ALK: variants seen among roughly 807,000 people sequenced by gnomAD.
ALK encodes the protein ALK tyrosine kinase receptor.
ALK carries 74 observed loss-of-function variants against 163.1 expected under a neutral mutation model. That is an observed-to-expected ratio of 0.45 (90% CI 0.38 to 0.55). The LOEUF is 0.55. Ranked by LOEUF, ALK falls within the 20% of genes least tolerant of loss-of-function variation. ALK has a pLI of 0.00. For missense variants in ALK, 2,063 were observed against 2,105.3 expected (o/e 0.98, Z 0.39); for synonymous variants, 960 against 843.2 (o/e 1.14, Z -2.40).
At chr2:29,377,474 C>CAAAAA (rs372035289) in intron 5 of ALK, among the ~76,000 whole-genome samples, 1 of 119,036 alleles carries the variant, frequency 8.4e-6, no homozygotes, top group African/African-American at 3.2e-5. Flanking sequence ...GACTACATCT[C>CAAAAA]AAAAAAAAAA....
At chr2:29,266,878 G>A (rs1489877287) in intron 11 of ALK, among the ~76,000 whole-genome samples, 4 of 152,196 alleles carry the variant, frequency 2.6e-5, no homozygotes, top group South Asian at 4.2e-4. Flanking sequence ...GTGAATGTTC[G>A]TCTCCAGCAT....
intron 6 of ALK, among the ~76,000 whole-genome samples, chr2:29,321,971 G>GT (rs2148252171): frequency 6.6e-6 from 1 of 152,362 alleles, no homozygotes; most frequent in East Asian, 1.9e-4. Flanking sequence ...AAGGATAAGA[G>GT]GGTGAGGGAG....
chr2:29,521,200 G>C (rs1672802912), intron 4 of ALK, among the ~76,000 whole-genome samples: 1 of 152,278 alleles, frequency 6.6e-6, no homozygotes, highest in Non-Finnish European at 1.5e-5. Context: ...GGTGGAGCAA[G>C]GTCCTGGATC....
intron 2 of ALK, among the ~76,000 whole-genome samples, chr2:29,699,063 T>TC (rs1678653324): frequency 6.6e-6 from 1 of 152,194 alleles, no homozygotes; most frequent in African/African-American, 2.4e-5. Flanking sequence ...CTAGTGTGCT[T>TC]CTTGAATCTC....
intron 1 of ALK, among the ~76,000 whole-genome samples, chr2:29,743,177 T>C (rs1302767525): frequency 6.6e-6 from 1 of 152,220 alleles, no homozygotes; most frequent in African/African-American, 2.4e-5. Context: ...CAATCCATTT[T>C]TCCATATTGA....
intron 4 of ALK, among the ~76,000 whole-genome samples, chr2:29,431,940 G>A (rs139905342): frequency 1.1e-4 from 16 of 151,898 alleles, no homozygotes; most frequent in East Asian, 9.7e-4. Flanking sequence ...GTCCCGTCCC[G>A]TCCAGTCCCG....
intron 3 of ALK, among the ~76,000 whole-genome samples, chr2:29,562,217 T>C (rs1219955522): frequency 6.6e-6 from 1 of 152,218 alleles, no homozygotes; most frequent in Non-Finnish European, 1.5e-5. Flanking sequence ...GTTAGACATG[T>C]CTTTCCCAGT....
At chr2:29,321,074 C>T (rs996981637) in intron 6 of ALK, among the ~76,000 whole-genome samples, 192 bp from the exon 7 acceptor site, 1 of 152,178 alleles carries the variant, frequency 6.6e-6, no homozygotes, top group African/African-American at 2.4e-5. Flanking sequence ...GATGCCCGTG[C>T]TGGTTTACAG....
Position 29,318,346 on chromosome 2 carries a change from G to C in ALK, c.1605C>G (p.Thr535=), listed in dbSNP as rs1302830385. The C allele has an allele frequency of 6.2e-7, 1 of 1,613,922 alleles. No individual in the cohort carries two copies. Among genetic ancestry groups the C allele is most frequent in the Non-Finnish European group, 8.5e-7 (1 of 1,179,918 alleles). ...DVPASESATV[T]SATFPAPIKS... ...TGATCGGTGCAGGAAACGTAGCACT[G>C]GTCACTGTAGCACTTTCAGAAGCGG... The change falls in exon 8 of 29, where the codon ACC becomes ACG. Residue 535 remains threonine (T), a synonymous_variant. Coordinates refer to ENST00000389048, the MANE Select transcript of ALK (RefSeq NM_004304.5).
chr2:29,270,990 G>T (rs1012293766), intron 11 of ALK, among the ~76,000 whole-genome samples: 9 of 152,214 alleles, frequency 5.9e-5, no homozygotes, highest in African/African-American at 2.2e-4. Flanking sequence ...CAAGGAAGAG[G>T]CCAGGATTTT....
At chr2:29,796,878 G>T (rs1158632608) in intron 1 of ALK, among the ~76,000 whole-genome samples, 1 of 151,894 alleles carries the variant, frequency 6.6e-6, no homozygotes, top group African/African-American at 2.4e-5. Flanking sequence ...AATTCTATTA[G>T]TGTAATTTTA....
chr2:29,899,338 T>A (rs1667349792), intron 1 of ALK, among the ~76,000 whole-genome samples: 1 of 152,178 alleles, frequency 6.6e-6, no homozygotes, highest in Non-Finnish European at 1.5e-5. Flanking sequence ...CCCTTGCCCC[T>A]TTTTTGCCCC....
intron 3 of ALK, among the ~76,000 whole-genome samples, chr2:29,631,795 T>C (rs1032186786): frequency 1.3e-5 from 2 of 152,238 alleles, no homozygotes; most frequent in African/African-American, 4.8e-5. Context: ...CCACACCATT[T>C]AATCCCATTC....
At chr2:29,674,353 A>T (rs1051775455) in intron 3 of ALK, among the ~76,000 whole-genome samples, 1 of 151,634 alleles carries the variant, frequency 6.6e-6, no homozygotes, top group African/African-American at 2.4e-5. Flanking sequence ...CGTCCCATCA[A>T]TACCTAATTT....
intron 1 of ALK, among the ~76,000 whole-genome samples, chr2:29,766,451 G>C (rs1338802864): frequency 1.3e-5 from 2 of 152,102 alleles, no homozygotes; most frequent in Non-Finnish European, 2.9e-5. Flanking sequence ...ACATATTTGA[G>C]TATTGACTCC....
chr2:29,848,148 C>G (rs771015226), intron 1 of ALK, among the ~76,000 whole-genome samples: 1 of 152,084 alleles, frequency 6.6e-6, no homozygotes. Flanking sequence ...GGTCTTAGTG[C>G]CTCTGGGAGG....
rs191177227 is a variant in ALK at position 29,499,144 on chromosome 2, G to A, written c.1154+32771C>T. ...TCCCAAGATATACGTTCCTCACCCC[G>A]GTTTTGTGGCATTTGAGAATCCAAC... is the stretch of plus-strand genomic sequence containing the variant. On this transcript the variant is annotated intron_variant, in intron 4 of 28. Transcript: ENST00000389048. Among the ~76,000 whole-genome samples, 761 of 152,182 alleles carry A rather than the reference G, an allele frequency of 5.0e-3. 4 individuals carry two copies. Among genetic ancestry groups the A allele is most frequent in the African/African-American group, 0.017 (718 of 41,510 alleles).
chr2:29,467,023 C>T (rs982114146), intron 4 of ALK, among the ~76,000 whole-genome samples: 3 of 152,092 alleles, frequency 2.0e-5, no homozygotes, highest in Admixed American at 6.6e-5. Context: ...TCTGGTAAGG[C>T]TGTTAATAAT....
At chr2:29,213,754 T>G (rs1207287268) in intron 24 of ALK, among the ~76,000 whole-genome samples, 1 of 151,934 alleles carries the variant, frequency 6.6e-6, no homozygotes, top group Non-Finnish European at 1.5e-5. Flanking sequence ...GAGGCCAAGG[T>G]GGGAGGATTA....
Sources: gnomAD v4.1 joint callset for allele counts (sites outside exome capture counted in the v4.1 genomes callset) on GRCh38, gnomAD v4.1.1 for gene constraint, MANE v1.5 for transcripts, NCBI Gene and HGNC (gene_info 2026-07-23, HGNC 2026-07-21) for gene names.